Variants in ZSWIM1 observed in about 807,000 individuals in gnomAD.
ZSWIM1 encodes the protein zinc finger SWIM domain-containing protein 1.
A neutral mutation model predicts 29.3 loss-of-function variants in ZSWIM1; 22 were observed. The observed-to-expected ratio is 0.75, with a 90% CI of 0.54 to 1.07. The LOEUF (loss-of-function observed/expected upper bound fraction) is 1.07. ZSWIM1 is among the 50% of genes least tolerant of loss of function. The pLI, the probability that ZSWIM1 is intolerant of heterozygous loss-of-function variation, is 0.00. For synonymous variants in ZSWIM1, 228 were observed against 240.8 expected (o/e 0.95, Z 0.49); for missense variants, 511 against 596.2 (o/e 0.86, Z 1.49).
In ZSWIM1 at chr20:45,883,756, G is replaced by GGCCTTCCACCTGCCCT. The variant is rs771001432; in HGVS notation, c.1168_1183dup (p.Arg395LeufsTer46). 1 of 1,613,888 alleles carries GGCCTTCCACCTGCCCT rather than the reference G, an allele frequency of 6.2e-7. No homozygotes were observed. Among genetic ancestry groups the GGCCTTCCACCTGCCCT allele is most frequent in the East Asian group, 2.2e-5 (1 of 44,884 alleles). On this transcript the variant is annotated frameshift_variant, in exon 2 of 2. Coordinates refer to ENST00000372523, the MANE Select transcript of ZSWIM1 (RefSeq NM_080603.5). LOFTEE classifies it high-confidence loss of function. ...CCAGCTGCAGCTGCTACTTTAACCA[G>GGCCTTCCACCTGCCCT]GCCTTCCACCTGCCCTGCCGCCACA...
rs767592047 is a variant in ZSWIM1, at chr20:45,883,951, G to C, written c.1359G>C (p.Leu453=). 1 of 1,614,200 alleles carries C rather than the reference G, an allele frequency of 6.2e-7. No individual in the cohort carries two copies. The highest frequency in any genetic ancestry group is 1.7e-5 in the Admixed American group (1 of 60,020). The change falls in exon 2 of 2, where the codon CTG becomes CTC. Residue 453 remains leucine (L), a synonymous_variant. Transcript: ENST00000372523. ...ACCTCACCGAGGAGGTGGGTCAGCT[G>C]TTGCAGCACTGCACCAAGGAGGAGT... ...VTHLTEEVGQ[L]LQHCTKEEFE...
chr20:45,882,456 T>G, intron 1 of ZSWIM1, 77 bp from the exon 2 acceptor site: 1 of 1,058,838 alleles, frequency 9.4e-7, no homozygotes, highest in African/African-American at 1.6e-5. Context: ...TAGTAAGTGT[T>G]CAACAAATAT....
chr20:45,881,165 C>T (rs1329792958), upstream of ZSWIM1: 2 of 152,440 alleles, frequency 1.3e-5, no homozygotes, highest in African/African-American at 4.8e-5. Context: ...TGGTCCGAGT[C>T]ACTGCGATGC....
chr20:45,883,813 G>A lies in ZSWIM1; in HGVS notation c.1221G>A (p.Val407=). ...CCATGCTCAGTGCCCGCCGCCAGGT[G>A]CTCCAGCCCGACATGCTGCCGGCTC... ...ILAMLSARRQ[V]LQPDMLPAQW... The change falls in exon 2 of 2, where the codon GTG becomes GTA. Residue 407 remains valine, a synonymous_variant. Coordinates refer to ENST00000372523, the MANE Select transcript of ZSWIM1 (RefSeq NM_080603.5). 6.2e-7 allele frequency: 1 copy of A among 1,613,576 alleles called. No homozygotes were observed. The highest frequency in any genetic ancestry group is 8.5e-7 in the Non-Finnish European group (1 of 1,180,008).
rs1439753988 is a variant in ZSWIM1 at position 45,883,327 on chromosome 20, G to A, written c.735G>A (p.Trp245Ter). The A allele has an allele frequency of 6.2e-7, 1 of 1,614,012 alleles. No individual in the cohort carries two copies. The highest frequency in any genetic ancestry group is 2.2e-5 in the East Asian group (1 of 44,904). Residue 245 changes from tryptophan to a stop codon, truncating the protein, a stop_gained, in exon 2 of 2, where the codon TGG becomes TGA. Transcript: ENST00000372523. LOFTEE classifies it high-confidence loss of function. ...ACCGCATCTGGCTGGCTCACCGCTG[G>A]AGAAGCCGAGCTGAGAGCAGCCACT... is the stretch of plus-strand genomic sequence containing the variant. ...LNDRIWLAHR[W>*]RSRAESSHYF...
At position 45,881,265 on chromosome 20, in the gene ZSWIM1, A is replaced by T. The variant is rs1003195188; in HGVS notation, c.-61+4A>T. ...TGGCGACGGAGCCTGGCTGTGGGTG[A>T]GTGCTTCCTGAAGGGGTGAAAGTGT... On this transcript the variant is annotated splice_donor_region_variant and intron_variant, in intron 1 of 1. Transcript: ENST00000372523. The T allele has an allele frequency of 2.0e-5, 3 of 152,460 alleles. No individual in the cohort carries two copies. The highest frequency in any genetic ancestry group is 4.4e-5 in the Non-Finnish European group (3 of 68,060). 9.4% of individuals were successfully genotyped at this position (152,460 alleles called of 1,614,324 possible).
chr20:45,883,624 C>T lies in ZSWIM1; in HGVS notation c.1032C>T (p.Gly344=), dbSNP rs1205602273. The change falls in exon 2 of 2, where the codon GGC becomes GGT. Residue 344 remains glycine (G), a synonymous_variant. Coordinates refer to ENST00000372523, the MANE Select transcript of ZSWIM1 (RefSeq NM_080603.5). ...CTGPAAQLCL[G]ELAVVQKSTH... is the part of the protein sequence containing the mutation. ...GGCCAGCAGCCCAACTGTGCCTGGG[C>T]GAGCTTGCTGTGGTCCAGAAATCCA... The T allele has an allele frequency of 7.4e-6, 12 of 1,614,050 alleles. No individual in the cohort carries two copies. The highest frequency in any genetic ancestry group is 1.6e-4 in the Middle Eastern group (1 of 6,084).
At position 45,882,759 on chromosome 20, in the gene ZSWIM1, C is replaced by CCCA; in HGVS notation, c.168_170dup (p.Ala56_Gln57insHis). ...CTGCTGCACCAGGTTAACAAGACTGCCCAGTTAGATACCTTCAACTACCAG... is the reference window on the plus strand; with the variant it reads ...CTGCTGCACCAGGTTAACAAGACTGCCCACCAGTTAGATACCTTCAACTACCAG... On this transcript the variant is annotated inframe_insertion, in exon 2 of 2. Transcript: ENST00000372523. The CCCA allele has an allele frequency of 6.2e-7, 1 of 1,614,240 alleles. No individual in the cohort carries two copies. Among genetic ancestry groups the CCCA allele is most frequent in the Non-Finnish European group, 8.5e-7 (1 of 1,180,044 alleles).
rs548523451 is a variant in ZSWIM1 at position 45,884,965 on chromosome 20, T to G, written c.*915T>G. The G allele has an allele frequency of 6.0e-6, 1 of 166,852 alleles. No individual in the cohort carries two copies. Among genetic ancestry groups the G allele is most frequent in the South Asian group, 2.1e-4 (1 of 4,822 alleles). 10.3% of individuals were successfully genotyped at this position (166,852 alleles called of 1,614,324 possible). On this transcript the variant is annotated 3_prime_UTR_variant, in exon 2 of 2. Transcript: ENST00000372523. ...AGGCAGAGGTTGCAGTAGGCCAAGATCCTGCTGCCACTGCACTCCAGCCTG... is the reference window on the plus strand; with the variant it reads ...AGGCAGAGGTTGCAGTAGGCCAAGAGCCTGCTGCCACTGCACTCCAGCCTG...
rs1225172094 is a variant in ZSWIM1, at chr20:45,883,295, C to G, written c.703C>G (p.Leu235Val). Residue 235 changes from leucine (L) to valine (V), a missense_variant, in exon 2 of 2, where the codon CTC becomes GTC. Leu to Val is a conservative substitution (Grantham distance 32). Transcript: ENST00000372523. ...KLPELHSHWL[L>V]NDRIWLAHRW... ...GCCCGAGCTTCACTCACACTGGCTG[C>G]TCAACGACCGCATCTGGCTGGCTCA... 2.5e-6 allele frequency: 4 copies of G among 1,614,038 alleles called. No homozygotes were observed. The highest frequency in any genetic ancestry group is 3.4e-6 in the Non-Finnish European group (4 of 1,180,042).
In ZSWIM1 at chr20:45,885,259, A is replaced by G. The variant is rs185789771; in HGVS notation, c.*1209A>G. The G allele has an allele frequency of 3.6e-5, 6 of 165,532 alleles. No homozygotes were observed. The highest frequency in any genetic ancestry group is 7.2e-5 in the African/African-American group (3 of 41,434). The allele number at this position is 165,532 out of a possible 1,614,324, so 10.3% of individuals were successfully genotyped here. ...TGGGGTCAATAAAACTGAATGTTGCATATTCTAGCACTTGTCTAGTTTTTT... is the reference window on the plus strand; with the variant it reads ...TGGGGTCAATAAAACTGAATGTTGCGTATTCTAGCACTTGTCTAGTTTTTT... On this transcript the variant is annotated 3_prime_UTR_variant, in exon 2 of 2. Coordinates refer to ENST00000372523, the MANE Select transcript of ZSWIM1 (RefSeq NM_080603.5).
rs771409500 is a variant in ZSWIM1 at position 45,882,662 on chromosome 20, A to G, written c.70A>G (p.Thr24Ala). The change falls in exon 2 of 2, where the codon ACA becomes GCA. Residue 24 changes from threonine (T) to alanine (A), a missense_variant. Thr to Ala is a moderately conservative substitution (Grantham distance 58). Transcript: ENST00000372523. ...QRKYFDLGIW[T>A]APISPMALTM... ...AAAGTATTTTGACCTTGGCATTTGGACAGCTCCCATCTCTCCCATGGCCCT... is the reference window on the plus strand; with the variant it reads ...AAAGTATTTTGACCTTGGCATTTGGGCAGCTCCCATCTCTCCCATGGCCCT... 5.0e-6 allele frequency: 8 copies of G among 1,614,042 alleles called. No homozygotes were observed. The highest frequency in any genetic ancestry group is 1.3e-5 in the African/African-American group (1 of 74,912).
At chr20:45,882,129 G>C (rs1339347575) in intron 1 of ZSWIM1, among the ~76,000 whole-genome samples, 1 of 152,216 alleles carries the variant, frequency 6.6e-6, no homozygotes, top group Non-Finnish European at 1.5e-5. Flanking sequence ...GGGATTACAG[G>C]TGTGAGCCAC....
chr20:45,883,274 G>C lies in ZSWIM1; in HGVS notation c.682G>C (p.Glu228Gln), dbSNP rs776504604. The C allele has an allele frequency of 1.2e-6, 2 of 1,613,888 alleles. No individual in the cohort carries two copies. Among genetic ancestry groups the C allele is most frequent in the Non-Finnish European group, 1.7e-6 (2 of 1,180,036 alleles). Residue 228 changes from glutamate to glutamine, a missense_variant, in exon 2 of 2, where the codon GAG (glutamate) becomes CAG (glutamine). By Grantham distance (29) the Glu-to-Gln change is conservative (BLOSUM62 2). Coordinates refer to ENST00000372523, the MANE Select transcript of ZSWIM1 (RefSeq NM_080603.5). ...CTGCATCCCTCCAGCCAAGCTGCCC[G>C]AGCTTCACTCACACTGGCTGCTCAA... ...SNCIPPAKLPELHSHWLLNDR... is the reference protein window; with the variant it reads ...SNCIPPAKLPQLHSHWLLNDR...
rs1280034780 is a variant in ZSWIM1, at chr20:45,884,168, G to C, written c.*118G>C. 2.9e-6 allele frequency: 4 copies of C among 1,400,402 alleles called. No individual in the cohort carries two copies. In the African/African-American group the frequency reaches 5.8e-5, roughly 20 times the overall value. 86.7% of individuals were successfully genotyped at this position (1,400,402 alleles called of 1,614,324 possible). The stretch of plus-strand genomic sequence containing the variant: ...CTCCCTTACACTGTTGTACTTCCGT[G>C]GGCCCTCCTTCCAGAACAAGGACAA... On this transcript the variant is annotated 3_prime_UTR_variant, in exon 2 of 2. Coordinates refer to ENST00000372523, the MANE Select transcript of ZSWIM1 (RefSeq NM_080603.5).
At position 45,884,650 on chromosome 20, in the gene ZSWIM1, T is replaced by C. The variant is rs6094223; in HGVS notation, c.*600T>C. The C allele has an allele frequency of 0.62, 102,249 of 165,894 alleles. 31,742 individuals carry two copies. The highest frequency in any genetic ancestry group is 0.7 in the Admixed American group (10,571 of 15,200). The allele number at this position is 165,894 out of a possible 1,614,324, so 10.3% of individuals were successfully genotyped here. On this transcript the variant is annotated 3_prime_UTR_variant, in exon 2 of 2. Transcript: ENST00000372523. ...GTGCTGGGATTACAGGCGTGAGCCA[T>C]CGCACCCGGCCTGTTTTAACATTTT...
rs1294180771 is a variant in ZSWIM1 at position 45,884,346 on chromosome 20, A to G, written c.*296A>G. ...GTTGTATATTCTTGGTTTTGTTTTAATATTTTTTTTCTTTTTTTTTTTTTT... is the reference window on the plus strand; with the variant it reads ...GTTGTATATTCTTGGTTTTGTTTTAGTATTTTTTTTCTTTTTTTTTTTTTT... On this transcript the variant is annotated 3_prime_UTR_variant, in exon 2 of 2. Transcript: ENST00000372523. 2 of 268,882 alleles carry G rather than the reference A, an allele frequency of 7.4e-6. No individual in the cohort carries two copies. The highest frequency in any genetic ancestry group is 1.4e-5 in the Non-Finnish European group (2 of 143,168). The allele number at this position is 268,882 out of a possible 1,614,324, so 16.7% of individuals were successfully genotyped here.
Position 45,882,793 on chromosome 20 carries a change from T to C in ZSWIM1, c.201T>C (p.Phe67=). Residue 67 remains phenylalanine (F), a synonymous_variant, in exon 2 of 2, where the codon TTT becomes TTC. Transcript: ENST00000372523. ...ATACCTTCAACTACCAGAGCTGCTTTATGCAAAGTGTCTTTGACCATTTCC... is the reference window on the plus strand; with the variant it reads ...ATACCTTCAACTACCAGAGCTGCTTCATGCAAAGTGTCTTTGACCATTTCC... ...QLDTFNYQSC[F]MQSVFDHFPE... The C allele has an allele frequency of 6.2e-7, 1 of 1,614,262 alleles. No homozygotes were observed. The highest frequency in any genetic ancestry group is 1.3e-5 in the African/African-American group (1 of 75,070).
rs771493706 is a variant in ZSWIM1 at position 45,882,810 on chromosome 20, A to G, written c.218A>G (p.Asp73Gly). The G allele has an allele frequency of 6.2e-7, 1 of 1,614,196 alleles. No individual in the cohort carries two copies. Among genetic ancestry groups the G allele is most frequent in the Non-Finnish European group, 8.5e-7 (1 of 1,180,040 alleles). ...YQSCFMQSVF[D>G]HFPEILFIHR... ...AGCTGCTTTATGCAAAGTGTCTTTGACCATTTCCCTGAGATCTTATTTATC... is the reference window on the plus strand; with the variant it reads ...AGCTGCTTTATGCAAAGTGTCTTTGGCCATTTCCCTGAGATCTTATTTATC... The change falls in exon 2 of 2, where the codon GAC (aspartate) becomes GGC (glycine). Residue 73 changes from aspartate (D) to glycine (G), a missense_variant. Coordinates refer to ENST00000372523, the MANE Select transcript of ZSWIM1 (RefSeq NM_080603.5).
Sources: gnomAD v4.1 joint callset for allele counts (sites outside exome capture counted in the v4.1 genomes callset) on GRCh38, gnomAD v4.1.1 for gene constraint, MANE v1.5 for transcripts, NCBI Gene and HGNC (gene_info 2026-07-23, HGNC 2026-07-21) for gene names.